PRSS23: variants seen among roughly 807,000 people sequenced by gnomAD.
PRSS23 encodes the protein serine protease 23.
PRSS23 carries 25 observed loss-of-function variants against 34.7 expected under a neutral mutation model. That is an observed-to-expected ratio of 0.72 (90% CI 0.53 to 1.01). The LOEUF (loss-of-function observed/expected upper bound fraction) is 1.01, where lower values mean the gene tolerates loss of function less well. Ranked by LOEUF, PRSS23 falls within the 50% of genes least tolerant of loss-of-function variation. The pLI is 0.00. For missense variants in PRSS23, 445 were observed against 475.6 expected (o/e 0.94, Z 0.60); for synonymous variants, 176 against 186.6 (o/e 0.94, Z 0.46).
chr11:86,842,757 C>T (rs1590889840), intron 2 of PRSS23, among the ~76,000 whole-genome samples: 1 of 152,148 alleles, frequency 6.6e-6, no homozygotes, highest in East Asian at 1.9e-4. Flanking sequence ...AATCACTGCT[C>T]AACGAAATAA....
At chr11:86,903,209 G>T (rs1948922005) in intron 2 of PRSS23, among the ~76,000 whole-genome samples, 1 of 152,090 alleles carries the variant, frequency 6.6e-6, no homozygotes, top group African/African-American at 2.4e-5. Context: ...CATGGATTAA[G>T]GGATGGATGT....
chr11:86,794,819 A>C (rs1947970843), intron 1 of PRSS23, among the ~76,000 whole-genome samples: 1 of 152,190 alleles, frequency 6.6e-6, no homozygotes, highest in African/African-American at 2.4e-5. Flanking sequence ...TTACAAGGAA[A>C]ATTTTAAATT....
chr11:86,820,836 T>A (rs74650470), intron 1 of PRSS23, among the ~76,000 whole-genome samples: 1,559 of 152,306 alleles, frequency 0.01, 18 homozygotes, highest in African/African-American at 0.034. Flanking sequence ...GTATGTTTGA[T>A]GAGGATTGTG....
At chr11:86,828,528 C>T (rs1229278488) in intron 2 of PRSS23, among the ~76,000 whole-genome samples, 1 of 152,056 alleles carries the variant, frequency 6.6e-6, no homozygotes, top group African/African-American at 2.4e-5. Context: ...TGAATTTGAT[C>T]CTGTCATTAT....
intron 2 of PRSS23, among the ~76,000 whole-genome samples, chr11:86,828,211 G>T (rs948233147): frequency 6.6e-6 from 1 of 152,172 alleles, no homozygotes; most frequent in African/African-American, 2.4e-5. Context: ...AGGATAGTTA[G>T]CTCTTCTTGT....
At chr11:86,885,929 A>G (rs543042025) in intron 2 of PRSS23, among the ~76,000 whole-genome samples, 1 of 152,220 alleles carries the variant, frequency 6.6e-6, no homozygotes, top group Non-Finnish European at 1.5e-5. Flanking sequence ...GCAATTTATT[A>G]TGTTCTTGCT....
At chr11:86,924,379 A>G (rs534064226) in intron 2 of PRSS23, among the ~76,000 whole-genome samples, 2 of 151,966 alleles carry the variant, frequency 1.3e-5, no homozygotes, top group Admixed American at 1.3e-4. Flanking sequence ...AGGGCCTACA[A>G]CAACAACAAA....
At chr11:86,886,233 G>T (rs566237576) in intron 2 of PRSS23, among the ~76,000 whole-genome samples, 1 of 152,110 alleles carries the variant, frequency 6.6e-6, no homozygotes, top group Non-Finnish European at 1.5e-5. Context: ...GTGCTTTTAG[G>T]AATATAGCCC....
intron 2 of PRSS23, chr11:86,857,314 G>A (rs556080631): frequency 1.5e-5 from 8 of 532,948 alleles, no homozygotes; most frequent in African/African-American, 8.3e-5. Context: ...CCCATCTGAC[G>A]ATGGAATTCT....
At chr11:86,853,439 G>A (rs12280371) in intron 2 of PRSS23, among the ~76,000 whole-genome samples, 1 of 151,008 alleles carries the variant, frequency 6.6e-6, no homozygotes, top group African/African-American at 2.4e-5. Context: ...ATTTTTAGTA[G>A]AGACAGGGTT....
At chr11:86,940,330 A>C (rs1040731137) in intron 2 of PRSS23, among the ~76,000 whole-genome samples, 1 of 152,194 alleles carries the variant, frequency 6.6e-6, no homozygotes, top group Non-Finnish European at 1.5e-5. Flanking sequence ...GAGCAAACAG[A>C]AACTCCTTGC....
intron 2 of PRSS23, among the ~76,000 whole-genome samples, chr11:86,879,716 G>A (rs1286808997): frequency 2.2e-5 from 3 of 136,082 alleles, no homozygotes; most frequent in Non-Finnish European, 4.9e-5. Flanking sequence ...CCATCCGGGA[G>A]GGAGGTGGGG....
rs1490162989 is a variant in PRSS23, at chr11:86,808,187, A to T, written c.544A>T (p.Thr182Ser). ...TGCCCACTGCATACACGATGGAAAA[A>T]CCTATGTGAAAGGAACCCAGAAGCT... ...TAAHCIHDGK[T>S]YVKGTQKLRV... is the part of the protein sequence containing the mutation. Residue 182 changes from threonine to serine, a missense_variant, in exon 2 of 2, where the codon ACC (threonine) becomes TCC (serine). Transcript: ENST00000280258. 6.2e-7 allele frequency: 1 copy of T among 1,613,972 alleles called. No homozygotes were observed.
At chr11:86,896,534 T>G (rs1948877142) in intron 2 of PRSS23, 1 of 152,244 alleles carries the variant, frequency 6.6e-6, no homozygotes, top group Non-Finnish European at 1.5e-5. Flanking sequence ...AGGTTAAGGT[T>G]TAGATCCTGC....
At chr11:86,879,783 C>G (rs1948758848) in intron 2 of PRSS23, among the ~76,000 whole-genome samples, 1 of 115,750 alleles carries the variant, frequency 8.6e-6, no homozygotes, top group Non-Finnish European at 1.9e-5. Context: ...GGGGGGTCAG[C>G]CCCCTGCCCG....
chr11:86,840,181 T>C (rs892345889), intron 2 of PRSS23, among the ~76,000 whole-genome samples: 2 of 152,078 alleles, frequency 1.3e-5, no homozygotes, highest in African/African-American at 2.4e-5. Flanking sequence ...TCAAGACCCA[T>C]CAGTGTGCTG....
upstream of PRSS23, chr11:86,800,439 C>A: frequency 1.0e-6 from 1 of 982,774 alleles, no homozygotes; most frequent in African/African-American, 1.7e-5. Context: ...GTGGGGCGGG[C>A]GGCGTCCGCG....
intron 2 of PRSS23, among the ~76,000 whole-genome samples, chr11:86,916,232 CA>C (rs141209153): frequency 1.3e-5 from 2 of 151,512 alleles, no homozygotes; most frequent in South Asian, 2.1e-4. Context: ...TTTCTTTTTA[CA>C]AAAAAAACCC....
chr11:86,830,273 A>G (rs1265344883), intron 2 of PRSS23, among the ~76,000 whole-genome samples: 2 of 152,176 alleles, frequency 1.3e-5, no homozygotes, highest in Non-Finnish European at 2.9e-5. Flanking sequence ...GCGAGACTCC[A>G]TGGGCATAGG....
Sources: gnomAD v4.1 joint callset for allele counts (sites outside exome capture counted in the v4.1 genomes callset) on GRCh38, gnomAD v4.1.1 for gene constraint, MANE v1.5 for transcripts, NCBI Gene and HGNC (gene_info 2026-07-23, HGNC 2026-07-21) for gene names.